The following RBM10 variants were observed in gnomAD, a reference collection of about 807,000 sequenced individuals.
RBM10 encodes the protein RNA binding motif protein 10.
In RBM10, 1 loss-of-function variant was observed where a neutral mutation model predicts 84.9. The ratio of observed to expected loss-of-function variants is 0.01; its 90% CI spans 0.00 to 0.06. The LOEUF (loss-of-function observed/expected upper bound fraction) is 0.06, where lower values mean the gene tolerates loss of function less well. Ranked by LOEUF, RBM10 falls within the 10% of genes least tolerant of loss-of-function variation. RBM10 has a pLI of 1.00. For synonymous variants in RBM10, 326 were observed against 344.5 expected (o/e 0.95, Z 0.60); for missense variants, 438 against 839.0 (o/e 0.52, Z 5.90).
chrX:47,180,061 G>A, intron 10 of RBM10, 21 bp downstream of exon 10: 2 of 1,210,026 alleles, frequency 1.7e-6, no homozygotes, highest in Non-Finnish European at 2.2e-6. Flanking sequence ...CACAGTTGGG[G>A]GCCGGGCAGC....
chrX:47,184,475 AT>A (rs1556781138), intron 17 of RBM10, among the ~76,000 whole-genome samples: 1 of 112,597 alleles, frequency 8.9e-6, no homozygotes, highest in African/African-American at 3.2e-5. Context: ...TAGGGATTAC[AT>A]TTCTGACACA....
chrX:47,155,745 A>G (rs1383814952), intron 2 of RBM10, among the ~76,000 whole-genome samples: 14 of 107,567 alleles, frequency 1.3e-4, no homozygotes, highest in African/African-American at 4.7e-4. Flanking sequence ...AAAAAAAAAA[A>G]AAAAGAATTT....
rs1556761618 is a variant in RBM10 at position 47,145,458 on chromosome X, CCCTT to C, written c.-148_-145del. On this transcript the variant is annotated 5_prime_UTR_variant, in exon 1 of 24. An upstream open reading frame in the 5' UTR gains an earlier in-frame stop. Transcript: ENST00000377604. Reference sequence around the variant, plus strand: ...GGCGGGCAGAGGTGATGTCTGGGAGCCCTTCCTTGACAGCCCGGGCCGAGAAGGT... The same window carrying C: ...GGCGGGCAGAGGTGATGTCTGGGAGCCCTTGACAGCCCGGGCCGAGAAGGT... 1.7e-6 allele frequency: 2 copies of C among 1,154,122 alleles called. No individual in the cohort carries two copies. The highest frequency in any genetic ancestry group is 2.6e-5 in the Admixed American group (1 of 38,624).
chrX:47,157,766 G>A, intron 2 of RBM10: 2 of 424,300 alleles, frequency 4.7e-6, no homozygotes, highest in South Asian at 3.7e-5. Context: ...GCCGGCTGAG[G>A]TTCAGCTGCA....
intron 7 of RBM10, 130 bp downstream of exon 7, chrX:47,176,716 C>G: frequency 3.7e-6 from 1 of 267,031 alleles, no homozygotes; most frequent in Non-Finnish European, 5.5e-6. Flanking sequence ...CTCCCTCTGT[C>G]TCTCTCTCTC....
In RBM10 at chrX:47,180,286, T is replaced by G. The variant is rs782437230; in HGVS notation, c.1137T>G (p.Val379=). Reference sequence around the variant, plus strand: ...CTATCGACGGCAAGACCATCAATGTTGAGTTTGCCAAGGGTTCTAAGAGGT... The same window carrying G: ...CTATCGACGGCAAGACCATCAATGTGGAGTTTGCCAAGGGTTCTAAGAGGT... ...PLTIDGKTIN[V]EFAKGSKRDM... Residue 379 remains valine (V), a synonymous_variant, in exon 11 of 24, where the codon GTT becomes GTG. Transcript: ENST00000377604. 6 of 1,200,574 alleles carry G rather than the reference T, an allele frequency of 5.0e-6. No homozygotes were observed. In the African/African-American group the frequency reaches 8.8e-5, roughly 18 times the overall value.
At chrX:47,169,606 A>C in intron 3 of RBM10, 108 bp downstream of exon 3, 1 of 851,227 alleles carries the variant, frequency 1.2e-6, no homozygotes, top group Non-Finnish European at 1.7e-6. Flanking sequence ...CCGTGCCTTC[A>C]GACTGTGCTC....
Position 47,186,652 on chromosome X carries a change from A to G in RBM10, c.*53A>G, listed in dbSNP as rs1411563104. ...GTTGGGTGTCCATCCTGGGGCAGGGAAGGACAGAGTGTTGGATGGCTGGGA... is the reference window on the plus strand; with the variant it reads ...GTTGGGTGTCCATCCTGGGGCAGGGGAGGACAGAGTGTTGGATGGCTGGGA... On this transcript the variant is annotated 3_prime_UTR_variant, in exon 24 of 24. Transcript: ENST00000377604. The G allele has an allele frequency of 8.3e-7, 1 of 1,199,299 alleles. No homozygotes were observed. The highest frequency in any genetic ancestry group is 1.1e-6 in the Non-Finnish European group (1 of 886,606).
intron 2 of RBM10, among the ~76,000 whole-genome samples, chrX:47,167,818 A>G (rs1296112355): frequency 7.1e-5 from 8 of 112,497 alleles, no homozygotes; most frequent in African/African-American, 2.6e-4. Flanking sequence ...TGTACCCAGC[A>G]TCCTTACTGA....
intron 2 of RBM10, among the ~76,000 whole-genome samples, chrX:47,162,807 G>A (rs1556767207): frequency 9.2e-6 from 1 of 109,219 alleles, no homozygotes; most frequent in Non-Finnish European, 1.9e-5. Flanking sequence ...CCGGGTGGAG[G>A]TTGCAATGAG....
At position 47,179,100 on chromosome X, in the gene RBM10, C is replaced by T. The variant is rs2147164319; in HGVS notation, c.664-3C>T. 1 of 1,207,571 alleles carries T rather than the reference C, an allele frequency of 8.3e-7. No individual in the cohort carries two copies. The highest frequency in any genetic ancestry group is 1.1e-6 in the Non-Finnish European group (1 of 893,398). ...CTCTGACGGCCTGGCCTGTGCCTCA[C>T]AGTGTGGCGTCCAGAACTTCAAACG... On this transcript the variant is annotated splice_polypyrimidine_tract_variant and splice_region_variant and intron_variant, in intron 7 of 23. Transcript: ENST00000377604.
At chrX:47,181,893 G>C in intron 15 of RBM10, 27 bp downstream of exon 15, 2 of 1,211,335 alleles carry the variant, frequency 1.7e-6, no homozygotes, top group South Asian at 3.5e-5. Context: ...TGTGGGTAGG[G>C]GTGGGGAGTT....
chrX:47,172,102 C>A (rs1370372210), intron 4 of RBM10, among the ~76,000 whole-genome samples: 1 of 112,322 alleles, frequency 8.9e-6, no homozygotes, highest in Non-Finnish European at 1.9e-5. Flanking sequence ...GATTCAGTCC[C>A]CATGGCAGCC....
chrX:47,175,745 C>T (rs1341151047), intron 6 of RBM10, among the ~76,000 whole-genome samples: 1 of 111,320 alleles, frequency 9.0e-6, no homozygotes, highest in East Asian at 2.9e-4. Context: ...TCGGCAAGGA[C>T]CTGTGCACAG....
chrX:47,170,976 C>A (rs2147134022), intron 3 of RBM10, 52 bp from the exon 4 acceptor site: 1 of 1,162,958 alleles, frequency 8.6e-7, no homozygotes, highest in Non-Finnish European at 1.2e-6. Context: ...GCTCCTAGGC[C>A]TGCCCAGACT....
Position 47,180,600 on chromosome X carries a change from C to G in RBM10, c.1248+94C>G, listed in dbSNP as rs782628807. ...TGAAGCAGGAAGGCTGGCTTGCTATCCATGGATGCAAAACCCTCTCCCAGT... is the reference window on the plus strand; with the variant it reads ...TGAAGCAGGAAGGCTGGCTTGCTATGCATGGATGCAAAACCCTCTCCCAGT... On this transcript the variant is annotated intron_variant, in intron 12 of 23. Transcript: ENST00000377604. 2.6e-6 allele frequency: 3 copies of G among 1,156,564 alleles called. 1 individual carries two copies. The East Asian group carries it at 9.7e-5, about 37-fold the overall frequency.
Position 47,185,428 on chromosome X carries a change from C to T in RBM10, c.2167-14C>T, listed in dbSNP as rs2147215059. ...ATCTGGCCAGGCCTGACCGCCCACC[C>T]TCACCCTCTACAGAGCCCTCCGCGA... On this transcript the variant is annotated splice_polypyrimidine_tract_variant and intron_variant, in intron 19 of 23. Transcript: ENST00000377604. 1 of 1,175,179 alleles carries T rather than the reference C, an allele frequency of 8.5e-7. No individual in the cohort carries two copies. The highest frequency in any genetic ancestry group is 1.1e-6 in the Non-Finnish European group (1 of 876,849).
rs1380123179 is a variant in RBM10, at chrX:47,180,147, G to A, written c.1063-65G>A. 8 of 1,176,600 alleles carry A rather than the reference G, an allele frequency of 6.8e-6. No homozygotes were observed. The East Asian group carries it at 2.1e-4, about 31-fold the overall frequency. On this transcript the variant is annotated intron_variant, in intron 10 of 23. Coordinates refer to ENST00000377604, the MANE Select transcript of RBM10 (RefSeq NM_005676.5). ...CACCGCGGCTGCCAGCCTGGAAATC[G>A]GGCAATGGAGCCGGGGGCCTCCCCG...
At position 47,186,067 on chromosome X, in the gene RBM10, A is replaced by C. The variant is rs782300637; in HGVS notation, c.2433A>C (p.Gln811His). 3 of 1,211,012 alleles carry C rather than the reference A, an allele frequency of 2.5e-6. No individual in the cohort carries two copies. The change falls in exon 22 of 24, where the codon CAA (glutamine) becomes CAC (histidine). Residue 811 changes from glutamine (Q) to histidine (H), a missense_variant and splice_region_variant. Transcript: ENST00000377604. ...CACATACACATACAAACTTTCAGCA[A>C]ATGAAGTACCGGGACCGTGCAGCTG... ...LEALEKNDME[Q>H]MKYRDRAAER...
Sources: allele counts gnomAD v4.1 joint callset (sites outside exome capture counted in the v4.1 genomes callset), GRCh38; gene constraint gnomAD v4.1.1; transcripts MANE v1.5; gene names NCBI Gene and HGNC (gene_info 2026-07-23, HGNC 2026-07-21).